The following DGKK variants were observed in gnomAD, a reference collection of about 807,000 sequenced individuals.
The protein encoded by DGKK is 142 kDa diacylglycerol kinase.
In DGKK, 35 loss-of-function variants were observed where a neutral mutation model predicts 92.2. The observed-to-expected ratio is 0.38, with a 90% CI of 0.29 to 0.50. DGKK has a LOEUF of 0.50. DGKK is among the 20% of genes least tolerant of loss of function. The pLI, the probability that DGKK is intolerant of heterozygous loss-of-function variation, is 0.92. For missense variants in DGKK, 910 were observed against 992.2 expected, an observed-to-expected ratio of 0.92 and a Z score of 1.11; for synonymous variants, 368 against 360.6, an observed-to-expected ratio of 1.02 and a Z score of -0.23.
intron 4 of DGKK, among the ~76,000 whole-genome samples, chrX:50,409,756 T>C (rs1925261748): frequency 9.0e-6 from 1 of 111,623 alleles, no homozygotes; most frequent in Admixed American, 9.5e-5. Context: ...CTTCATATCA[T>C]ATGTTGAAAT....
chrX:50,448,308 A>G (rs1175982028), intron 1 of DGKK, among the ~76,000 whole-genome samples: 2 of 110,508 alleles, frequency 1.8e-5, no homozygotes, highest in African/African-American at 3.3e-5. Context: ...GGAGCTCCCC[A>G]GATAGTTCTG....
chrX:50,382,660 A>C, intron 17 of DGKK, 57 bp from the exon 18 acceptor site: 1 of 965,063 alleles, frequency 1.0e-6, no homozygotes, highest in South Asian at 2.2e-5. Flanking sequence ...TGCCGCTATC[A>C]ATTGGGCATG....
chrX:50,429,439 A>G (rs2147139625), intron 1 of DGKK, among the ~76,000 whole-genome samples: 1 of 112,225 alleles, frequency 8.9e-6, no homozygotes, highest in Non-Finnish European at 1.9e-5. Flanking sequence ...TAATCCCAGC[A>G]CTTTGGGAGG....
At chrX:50,466,017 C>CTTTTTTTTTTTTTTTTTTTTTTTTTTTT (rs72090197) in intron 1 of DGKK, among the ~76,000 whole-genome samples, 1 of 42,793 alleles carries the variant, frequency 2.3e-5, no homozygotes, top group Non-Finnish European at 3.8e-5. Context: ...TTTCTTTTTT[C>CTTTTTTTTTTTTTTTTTTTTTTTTTTTT]TTTTTTTTTT....
chrX:50,386,416 A>C lies in DGKK; in HGVS notation c.2289T>G (p.Ala763=). The C allele has an allele frequency of 2.5e-6, 3 of 1,211,140 alleles. No homozygotes were observed. The highest frequency in any genetic ancestry group is 3.4e-6 in the Non-Finnish European group (3 of 895,151). Residue 763 remains alanine, a synonymous_variant, in exon 15 of 28, where the codon GCT becomes GCG. Coordinates refer to ENST00000611977, the MANE Select transcript of DGKK (RefSeq NM_001013742.4). ...ATTTCTGGAGACTCTGGGCCTTTGT[A>C]GCCAGCTCCAACTTGCACTTGGCTA... ...DHIAKCKLEL[A]TKAQSLQKSL...
chrX:50,468,216 G>A (rs1341131191), intron 1 of DGKK, among the ~76,000 whole-genome samples: 1 of 112,200 alleles, frequency 8.9e-6, no homozygotes, highest in Non-Finnish European at 1.9e-5. Context: ...TTTCACTGGG[G>A]GAAGGGTCCT....
At chrX:50,391,340 C>T (rs868916291) in intron 11 of DGKK, 97 bp downstream of exon 11, 3 of 1,074,490 alleles carry the variant, frequency 2.8e-6, no homozygotes, top group East Asian at 3.1e-5. Context: ...GGAAATGAGG[C>T]TCTATCAATC....
chrX:50,457,281 C>T (rs1926632432), intron 1 of DGKK, among the ~76,000 whole-genome samples: 1 of 111,630 alleles, frequency 9.0e-6, no homozygotes, highest in Admixed American at 9.5e-5. Flanking sequence ...TTTATAGTTG[C>T]TGCAGCTTGC....
chrX:50,464,555 CT>C lies in DGKK; in HGVS notation c.645+5478del, dbSNP rs1390462423. Among the ~76,000 whole-genome samples the C allele has an allele frequency of 7.3e-5, 8 of 109,379 alleles. No homozygotes were observed. In the South Asian group the frequency reaches 3.1e-3, roughly 42 times the overall value. The allele number at this position is 109,379 out of a possible 115,157, so 95.0% of individuals were successfully genotyped here. A position where few individuals can be genotyped will look rare whatever the true frequency, so the allele number is the denominator to read the frequency against. On this transcript the variant is annotated intron_variant, in intron 1 of 27. Coordinates refer to ENST00000611977, the MANE Select transcript of DGKK (RefSeq NM_001013742.4). ...GAATATCTGCCCTTAAAAAGATTTCCTTTTTTTGTTTGTTTTCCTTAATTTC... is the reference window on the plus strand; with the variant it reads ...GAATATCTGCCCTTAAAAAGATTTCCTTTTTTGTTTGTTTTCCTTAATTTC...
At position 50,379,718 on chromosome X, in the gene DGKK, A is replaced by T; in HGVS notation, c.2771T>A (p.Ile924Asn). The change falls in exon 20 of 28, where the codon ATC (isoleucine) becomes AAC (asparagine). Residue 924 changes from isoleucine (I) to asparagine (N), a missense_variant. Physicochemically the swap from Ile to Asn is moderately radical, Grantham distance 149. Transcript: ENST00000611977. ...AATGCCTTGCAGGTTTGGCAAGGAG[A>T]TGGTTTCTCCATCACACTGAAAGAA... The part of the protein sequence containing the change: ...RVHLECDGET[I>N]SLPNLQGIVV... 1 of 1,208,763 alleles carries T rather than the reference A, an allele frequency of 8.3e-7. No individual in the cohort carries two copies. Among genetic ancestry groups the T allele is most frequent in the South Asian group, 1.8e-5 (1 of 56,909 alleles).
chrX:50,450,745 G>A (rs1926475986), intron 1 of DGKK, among the ~76,000 whole-genome samples: 1 of 111,549 alleles, frequency 9.0e-6, no homozygotes, highest in African/African-American at 3.3e-5. Context: ...TTGAGACCAT[G>A]GATTAAATAC....
chrX:50,387,580 T>G lies in DGKK; in HGVS notation c.2092A>C (p.Thr698Pro), dbSNP rs782046357. ...TTCAAAATCACAGACACTATTGCAG[T>G]GTTGTTCTGTTTTATCTGACCCCAG... Reference protein sequence around the residue: ...KAWGQIKQNNTAIVSVILKSD... With the variant: ...KAWGQIKQNNPAIVSVILKSD... The change falls in exon 14 of 28, where the codon ACT becomes CCT. Residue 698 changes from threonine to proline, a missense_variant. By Grantham distance (38) the Thr-to-Pro change is conservative (BLOSUM62 -1). Coordinates refer to ENST00000611977, the MANE Select transcript of DGKK (RefSeq NM_001013742.4). 10 of 1,204,812 alleles carry G rather than the reference T, an allele frequency of 8.3e-6. No homozygotes were observed. The African/African-American group carries it at 1.4e-4, about 17-fold the overall frequency.
At chrX:50,427,467 A>C (rs908230389) in intron 1 of DGKK, among the ~76,000 whole-genome samples, 3 of 110,003 alleles carry the variant, frequency 2.7e-5, no homozygotes, top group Middle Eastern at 4.8e-3. Flanking sequence ...AACTCATAGA[A>C]TGTACAACAC....
intron 1 of DGKK, among the ~76,000 whole-genome samples, chrX:50,426,532 T>C (rs1317587406): frequency 9.0e-6 from 1 of 111,289 alleles, no homozygotes; most frequent in Non-Finnish European, 1.9e-5. Flanking sequence ...TCACATCCCC[T>C]TCCTCAGCAA....
At chrX:50,391,337 A>T in intron 11 of DGKK, 100 bp downstream of exon 11, 1 of 1,065,980 alleles carries the variant, frequency 9.4e-7, no homozygotes, top group Non-Finnish European at 1.3e-6. Flanking sequence ...AAAGGAAATG[A>T]GGCTCTATCA....
intron 4 of DGKK, among the ~76,000 whole-genome samples, chrX:50,420,165 A>G (rs1368749472): frequency 8.9e-6 from 1 of 111,749 alleles, no homozygotes; most frequent in East Asian, 2.8e-4. Context: ...GCATACATTG[A>G]CATCTACATA....
At chrX:50,441,432 G>A (rs1557231300) in intron 1 of DGKK, among the ~76,000 whole-genome samples, 2 of 111,510 alleles carry the variant, frequency 1.8e-5, no homozygotes, top group Non-Finnish European at 3.8e-5. Flanking sequence ...GATAGTTCTG[G>A]AATGAGCGAA....
At chrX:50,447,324 ATG>A (rs1224790497) in intron 1 of DGKK, among the ~76,000 whole-genome samples, 2 of 20,960 alleles carry the variant, frequency 9.5e-5, no homozygotes, top group African/African-American at 3.7e-4. Context: ...GTGTGTGTGT[ATG>A]TATATATATA....
chrX:50,460,946 T>C (rs148333958), intron 1 of DGKK, among the ~76,000 whole-genome samples: 1,265 of 110,870 alleles, frequency 0.011, 22 homozygotes, highest in African/African-American at 0.039. Context: ...AATTTAGATT[T>C]TTTCCCTTTG....
Sources: gnomAD v4.1 joint callset for allele counts (sites outside exome capture counted in the v4.1 genomes callset) on GRCh38, gnomAD v4.1.1 for gene constraint, MANE v1.5 for transcripts, NCBI Gene and HGNC (gene_info 2026-07-23, HGNC 2026-07-21) for gene names.